CFAP20: variants seen among roughly 807,000 people sequenced by gnomAD.
CFAP20 encodes the protein cilia- and flagella-associated protein 20.
A neutral mutation model predicts 25.5 loss-of-function variants in CFAP20; 14 were observed. The ratio of observed to expected loss-of-function variants is 0.55; its 90% CI spans 0.36 to 0.86. The LOEUF (loss-of-function observed/expected upper bound fraction) is 0.86, where lower values mean the gene tolerates loss of function less well. Among genes scored for constraint, CFAP20 ranks in the 40% least tolerant of loss-of-function variants. CFAP20 has a pLI of 0.01. For synonymous variants in CFAP20, 75 were observed against 91.1 expected (o/e 0.82, Z 1.01); for missense variants, 181 against 248.0 (o/e 0.73, Z 1.81).
chr16:58,128,740 C>A, intron 1 of CFAP20, among the ~76,000 whole-genome samples: 1 of 152,214 alleles, frequency 6.6e-6, no homozygotes, highest in South Asian at 2.1e-4. Context: ...ATGGACTGAC[C>A]GACCAAGTCA....
At position 58,129,168 on chromosome 16, in the gene CFAP20, G is replaced by A. The variant is rs1382892215; in HGVS notation, c.-53C>T. 2 of 1,590,050 alleles carry A rather than the reference G, an allele frequency of 1.3e-6. No individual in the cohort carries two copies. The highest frequency in any genetic ancestry group is 1.7e-6 in the Non-Finnish European group (2 of 1,163,910). ...CCCCGGAGCCGACCTAGGCCCCGGA[G>A]TAGATACAGGCACCGAGCGTCGAGG... On this transcript the variant is annotated 5_prime_UTR_variant, in exon 1 of 6. Transcript: ENST00000262498.
At position 58,123,744 on chromosome 16, in the gene CFAP20, T is replaced by G. The variant is rs1960572023; in HGVS notation, c.84+5288A>C. On this transcript the variant is annotated intron_variant, in intron 1 of 5. Transcript: ENST00000262498. Reference sequence around the variant, plus strand: ...AAACGTAAGAGTCTTTTAATAAATATAAGATTTGCTGGTCCCAGATGTCAA... The same window carrying G: ...AAACGTAAGAGTCTTTTAATAAATAGAAGATTTGCTGGTCCCAGATGTCAA... Among the ~76,000 whole-genome samples, 8 of 150,554 alleles carry G rather than the reference T, an allele frequency of 5.3e-5. No homozygotes were observed. In the South Asian group the frequency reaches 1.7e-3, roughly 31 times the overall value.
Position 58,116,627 on chromosome 16 carries a change from T to A in CFAP20, c.164+245A>T, listed in dbSNP as rs946965096. On this transcript the variant is annotated intron_variant, in intron 2 of 5. Transcript: ENST00000262498. Reference sequence around the variant, plus strand: ...TGTGCTAAGCAAGGCTTTACGTGTTTTATATATATTCATTTATTTACTCCT... The same window carrying A: ...TGTGCTAAGCAAGGCTTTACGTGTTATATATATATTCATTTATTTACTCCT... 16 of 524,754 alleles carry A rather than the reference T, an allele frequency of 3.0e-5. No individual in the cohort carries two copies. In the Admixed American group the frequency reaches 4.2e-4, roughly 14 times the overall value. The allele number at this position is 524,754 out of a possible 1,614,324, so 32.5% of individuals were successfully genotyped here. A position where few individuals can be genotyped will look rare whatever the true frequency, so the allele number is the denominator to read the frequency against.
intron 1 of CFAP20, among the ~76,000 whole-genome samples, chr16:58,117,505 C>T (rs748369117): frequency 1.6e-4 from 24 of 152,100 alleles, no homozygotes; most frequent in Non-Finnish European, 2.9e-4. Context: ...CTTGGCTCAC[C>T]GCAACCTCTG....
intron 1 of CFAP20, among the ~76,000 whole-genome samples, chr16:58,123,595 CAAAAAAAAAAAAAAAAAAAAA>C (rs574037205): frequency 4.4e-5 from 2 of 45,720 alleles, no homozygotes; most frequent in East Asian, 1.1e-3. Context: ...GACTCTGTCT[CAAAAAAAAAAAAAAAAAAAAA>C]AAAAAAAAAA....
intron 1 of CFAP20, among the ~76,000 whole-genome samples, chr16:58,123,738 T>C (rs1000360398): frequency 2.6e-5 from 4 of 151,164 alleles, no homozygotes; most frequent in Admixed American, 2.0e-4. Context: ...AGTCTTTTAA[T>C]AAATATAAGA....
intron 1 of CFAP20, among the ~76,000 whole-genome samples, chr16:58,124,885 T>C (rs187621916): frequency 6.6e-6 from 1 of 152,246 alleles, no homozygotes; most frequent in South Asian, 2.1e-4. Flanking sequence ...GTGCTGGGAT[T>C]ACAGGCATGA....
Position 58,129,193 on chromosome 16 carries a change from G to A in CFAP20, c.-78C>T, listed in dbSNP as rs886870570. On this transcript the variant is annotated 5_prime_UTR_variant, in exon 1 of 6. Coordinates refer to ENST00000262498, the MANE Select transcript of CFAP20 (RefSeq NM_013242.3). The stretch of plus-strand genomic sequence containing the variant: ...GTAGATACAGGCACCGAGCGTCGAG[G>A]GCACAGCAGCAGGCCGGCCCTGTTC... The A allele has an allele frequency of 1.3e-6, 2 of 1,497,446 alleles. No individual in the cohort carries two copies. The highest frequency in any genetic ancestry group is 1.8e-5 in the Admixed American group (1 of 55,920). 92.8% of individuals were successfully genotyped at this position (1,497,446 alleles called of 1,614,324 possible).
chr16:58,122,174 T>C (rs1039061759), intron 1 of CFAP20, among the ~76,000 whole-genome samples: 1 of 152,224 alleles, frequency 6.6e-6, no homozygotes, highest in South Asian at 2.1e-4. Flanking sequence ...TTCGCTGTAC[T>C]TGACAGGGGC....
chr16:58,128,564 G>A (rs930311778), intron 1 of CFAP20, among the ~76,000 whole-genome samples: 1 of 152,200 alleles, frequency 6.6e-6, no homozygotes, highest in Non-Finnish European at 1.5e-5. Context: ...GCCCAGCACC[G>A]TGCCTGGCAC....
chr16:58,115,176 C>T, intron 4 of CFAP20, 93 bp downstream of exon 4: 1 of 1,524,508 alleles, frequency 6.6e-7, no homozygotes, highest in Non-Finnish European at 9.1e-7. Flanking sequence ...AAGCCAGAAA[C>T]CCACACTGTT....
chr16:58,116,420 G>A (rs1026937938), intron 2 of CFAP20: 9 of 342,532 alleles, frequency 2.6e-5, no homozygotes, highest in Non-Finnish European at 4.3e-5. Context: ...CTCCTCCAGT[G>A]AGAGAAGACC....
intron 1 of CFAP20, among the ~76,000 whole-genome samples, chr16:58,118,521 A>T (rs1220546011): frequency 6.7e-6 from 1 of 148,684 alleles, no homozygotes; most frequent in South Asian, 2.1e-4. Context: ...CGAAAAAAAA[A>T]AAACAAAACC....
chr16:58,114,684 T>C (rs777647125), intron 5 of CFAP20, 126 bp downstream of exon 5: 1 of 689,680 alleles, frequency 1.4e-6, no homozygotes, highest in South Asian at 1.8e-5. Context: ...GATCTTGCGA[T>C]ATAAAGGCAC....
At position 58,129,358 on chromosome 16, in the gene CFAP20, C is replaced by A; in HGVS notation, c.-243G>T. On this transcript the variant is annotated 5_prime_UTR_variant, in exon 1 of 6. Coordinates refer to ENST00000262498, the MANE Select transcript of CFAP20 (RefSeq NM_013242.3). ...GAAACCACAGCAACTACCGTCCGCG[C>A]CGCGGTATTTCCCCGCCTTCAATGG... 1 of 492,186 alleles carries A rather than the reference C, an allele frequency of 2.0e-6. No homozygotes were observed. The highest frequency in any genetic ancestry group is 3.6e-6 in the Non-Finnish European group (1 of 275,042). 30.5% of individuals were successfully genotyped at this position (492,186 alleles called of 1,614,324 possible).
intron 1 of CFAP20, among the ~76,000 whole-genome samples, chr16:58,128,526 G>C (rs982433144): frequency 6.6e-6 from 1 of 152,158 alleles, no homozygotes; most frequent in African/African-American, 2.4e-5. Flanking sequence ...CTCTGTAAGG[G>C]TGCCTGAACA....
At chr16:58,127,126 G>C (rs1281726027) in intron 1 of CFAP20, among the ~76,000 whole-genome samples, 1 of 152,076 alleles carries the variant, frequency 6.6e-6, no homozygotes. Flanking sequence ...GGTACCATCC[G>C]ACCTCTAGTG....
intron 1 of CFAP20, among the ~76,000 whole-genome samples, chr16:58,118,071 A>C (rs538906485): frequency 2.6e-5 from 4 of 152,364 alleles, no homozygotes; most frequent in African/African-American, 9.6e-5. Flanking sequence ...GGGAGGAATC[A>C]ATATTCAATA....
intron 1 of CFAP20, among the ~76,000 whole-genome samples, chr16:58,119,765 G>A (rs1180027154): frequency 6.6e-6 from 1 of 152,098 alleles, no homozygotes; most frequent in African/African-American, 2.4e-5. Context: ...CGCCTCACTC[G>A]CCATCTACTG....
Sources: gnomAD v4.1 joint callset for allele counts (sites outside exome capture counted in the v4.1 genomes callset) on GRCh38, gnomAD v4.1.1 for gene constraint, MANE v1.5 for transcripts, NCBI Gene and HGNC (gene_info 2026-07-23, HGNC 2026-07-21) for gene names.